PDE8B: variants seen among roughly 807,000 people sequenced by gnomAD.
PDE8B encodes the protein phosphodiesterase 8B.
A neutral mutation model predicts 101.3 loss-of-function variants in PDE8B; 26 were observed. The ratio of observed to expected loss-of-function variants is 0.26; its 90% CI spans 0.19 to 0.36. The LOEUF is 0.36. PDE8B is among the 10% of genes least tolerant of loss of function. The pLI is 1.00. For synonymous variants in PDE8B, 424 were observed against 429.3 expected (o/e 0.99, Z 0.15); for missense variants, 810 against 1,163.1 (o/e 0.70, Z 4.42).
chr5:77,156,738 G>A, the PDE8B span, among the ~76,000 whole-genome samples: 1 of 152,102 alleles, frequency 6.6e-6, no homozygotes, highest in African/African-American at 2.4e-5. Context: ...AGGAAAGGAA[G>A]GAGCTCCACC....
chr5:77,202,728 G>C, the PDE8B span, among the ~76,000 whole-genome samples: 2 of 151,950 alleles, frequency 1.3e-5, no homozygotes, highest in African/African-American at 4.8e-5. Flanking sequence ...TGCCTCCCAG[G>C]TTCAAGCGAT....
rs1798461276 is a variant in PDE8B at position 77,428,081 on chromosome 5, A to G, written c.*1527A>G. On this transcript the variant is annotated 3_prime_UTR_variant, in exon 22 of 22. Coordinates refer to ENST00000264917, the MANE Select transcript of PDE8B (RefSeq NM_003719.5). ...GTATCTAAATTATTTTTGTTAGATG[A>G]TAAGAGAACTTGCTTGGTCAGGACA... The G allele has an allele frequency of 6.6e-6, 1 of 152,224 alleles. No individual in the cohort carries two copies. The highest frequency in any genetic ancestry group is 6.5e-5 in the Admixed American group (1 of 15,274). The allele number at this position is 152,224 out of a possible 1,614,324, so 9.4% of individuals were successfully genotyped here.
At chr5:77,297,826 C>T (rs1016564754) in intron 1 of PDE8B, among the ~76,000 whole-genome samples, 5 of 152,170 alleles carry the variant, frequency 3.3e-5, no homozygotes, top group African/African-American at 7.2e-5. Context: ...CTCCTTCCAT[C>T]GGTCTTCACT....
chr5:77,311,568 T>G (rs1028098288), intron 1 of PDE8B, among the ~76,000 whole-genome samples: 1 of 152,224 alleles, frequency 6.6e-6, no homozygotes, highest in Non-Finnish European at 1.5e-5. Context: ...CCTCAAGATT[T>G]GAGAGAAATG....
At chr5:77,259,068 A>ACACACC (rs1759857973) in intron 1 of PDE8B, among the ~76,000 whole-genome samples, 3 of 41,136 alleles carry the variant, frequency 7.3e-5, no homozygotes, top group Non-Finnish European at 9.6e-5. Context: ...ACACACACAC[A>ACACACC]CCCCCGCCCC....
chr5:77,208,904 C>A (rs1747733897), upstream of PDE8B, among the ~76,000 whole-genome samples: 1 of 152,226 alleles, frequency 6.6e-6, no homozygotes, highest in Non-Finnish European at 1.5e-5. Context: ...AGCATCATCC[C>A]ACCTTCAGAA....
rs1787694465 is a variant in PDE8B, at chr5:77,382,518, G to A, written c.1168-17730G>A. On this transcript the variant is annotated intron_variant, in intron 10 of 21. Coordinates refer to ENST00000264917, the MANE Select transcript of PDE8B (RefSeq NM_003719.5). ...ACATAAGTATACATGTGCCATGGTG[G>A]TTTCCTGCACCCATCAACCCTTCAC... Among the ~76,000 whole-genome samples, 3 of 152,014 alleles carry A rather than the reference G, an allele frequency of 2.0e-5. No homozygotes were observed. The South Asian group carries it at 6.2e-4, about 32-fold the overall frequency.
chr5:77,229,504 T>C (rs72765196), intron 1 of PDE8B, among the ~76,000 whole-genome samples: 20,305 of 152,242 alleles, frequency 0.13, 1,929 homozygotes, highest in East Asian at 0.5. Flanking sequence ...TCAGTATATT[T>C]ACTATGTTGT....
At chr5:77,289,348 C>G (rs1401657924) in intron 1 of PDE8B, among the ~76,000 whole-genome samples, 1 of 152,186 alleles carries the variant, frequency 6.6e-6, no homozygotes, top group Non-Finnish European at 1.5e-5. Flanking sequence ...CTCTTAAGCA[C>G]ATGGTATATA....
chr5:77,373,574 T>C (rs529962640), intron 10 of PDE8B, among the ~76,000 whole-genome samples: 1 of 152,366 alleles, frequency 6.6e-6, no homozygotes, highest in South Asian at 2.1e-4. Context: ...TCGGGTTTTA[T>C]GTAAATAAAA....
At chr5:77,298,481 T>C (rs1041519750) in intron 1 of PDE8B, among the ~76,000 whole-genome samples, 3 of 152,216 alleles carry the variant, frequency 2.0e-5, no homozygotes, top group African/African-American at 4.8e-5. Flanking sequence ...AATTTTAGCA[T>C]GTGGGCACCC....
At chr5:77,335,238 A>G (rs1777913514) in intron 5 of PDE8B, among the ~76,000 whole-genome samples, 2 of 152,176 alleles carry the variant, frequency 1.3e-5, no homozygotes, top group African/African-American at 4.8e-5. Context: ...ATATTTTATC[A>G]TGGTTTTTTC....
intron 1 of PDE8B, among the ~76,000 whole-genome samples, chr5:77,257,154 G>A (rs1351872202): frequency 1.3e-5 from 2 of 152,040 alleles, no homozygotes; most frequent in East Asian, 3.8e-4. Flanking sequence ...GGGGAATGGG[G>A]GGAACTAAGA....
At chr5:77,279,222 G>T (rs895423677) in intron 1 of PDE8B, among the ~76,000 whole-genome samples, 4 of 152,190 alleles carry the variant, frequency 2.6e-5, no homozygotes, top group Non-Finnish European at 5.9e-5. Context: ...CCAATTCTTT[G>T]ATGATTTGTA....
intron 1 of PDE8B, among the ~76,000 whole-genome samples, chr5:77,251,659 T>G (rs1435278211): frequency 6.6e-6 from 1 of 152,200 alleles, no homozygotes; most frequent in Non-Finnish European, 1.5e-5. Context: ...AGTAAATAAA[T>G]GTTAGACTCT....
intron 6 of PDE8B, among the ~76,000 whole-genome samples, chr5:77,344,037 A>C (rs1283460293): frequency 3.9e-5 from 6 of 152,166 alleles, no homozygotes; most frequent in Non-Finnish European, 7.4e-5. Context: ...TGGAGCTGTC[A>C]CCTTCTATGA....
rs1320564429 is a variant in PDE8B, at chr5:77,305,560, A to G, written c.340-6434A>G. On this transcript the variant is annotated intron_variant, in intron 1 of 21. Coordinates refer to ENST00000264917, the MANE Select transcript of PDE8B (RefSeq NM_003719.5). Reference sequence around the variant, plus strand: ...GGGACAGAGTTTCCCAGCATAGAGCAGGGAGGCCCAGCCTCACAGTGGGAT... The same window carrying G: ...GGGACAGAGTTTCCCAGCATAGAGCGGGGAGGCCCAGCCTCACAGTGGGAT... Among the ~76,000 whole-genome samples, 5 of 152,308 alleles carry G rather than the reference A, an allele frequency of 3.3e-5. No individual in the cohort carries two copies. In the East Asian group the frequency reaches 9.7e-4, roughly 29 times the overall value.
chr5:77,174,690 A>T, the PDE8B span, among the ~76,000 whole-genome samples: 1 of 152,012 alleles, frequency 6.6e-6, no homozygotes, highest in Admixed American at 6.6e-5. Flanking sequence ...CTCTGCTGGT[A>T]TCTCCTCCGC....
At chr5:77,091,219 C>T in the PDE8B span, among the ~76,000 whole-genome samples, 1 of 152,186 alleles carries the variant, frequency 6.6e-6, no homozygotes, top group South Asian at 2.1e-4. Context: ...GATAAATGTT[C>T]AAGGTGATGG....
Sources: allele counts gnomAD v4.1 joint callset (sites outside exome capture counted in the v4.1 genomes callset), GRCh38; gene constraint gnomAD v4.1.1; transcripts MANE v1.5; gene names NCBI Gene and HGNC (gene_info 2026-07-23, HGNC 2026-07-21).